The following DLG1 variants were observed in gnomAD, a reference collection of about 807,000 sequenced individuals.
DLG1 encodes disks large homolog 1.
DLG1 carries 42 observed loss-of-function variants against 123.4 expected under a neutral mutation model. The observed-to-expected ratio is 0.34, with a 90% CI of 0.27 to 0.44. The LOEUF is 0.44. Ranked by LOEUF, DLG1 falls within the 20% of genes least tolerant of loss-of-function variation. The probability of loss-of-function intolerance (pLI) is 1.00; values close to 1 mark genes in which losing one functional copy is unlikely to be tolerated. For synonymous variants in DLG1, 317 were observed against 356.2 expected (o/e 0.89, Z 1.24); for missense variants, 942 against 1,082.6 (o/e 0.87, Z 1.82).
At chr3:197,116,838 T>G (rs960181472) in intron 12 of DLG1, among the ~76,000 whole-genome samples, 64 of 152,274 alleles carry the variant, frequency 4.2e-4, no homozygotes, top group African/African-American at 1.4e-3. Context: ...ATCTTCAGGC[T>G]TTTTATATGA....
intron 13 of DLG1, among the ~76,000 whole-genome samples, chr3:197,112,422 A>C (rs1186318727): frequency 6.6e-6 from 1 of 152,108 alleles, no homozygotes; most frequent in Non-Finnish European, 1.5e-5. Context: ...CCATTCACAT[A>C]TCTTTTGTGC....
chr3:197,054,461 T>C (rs1044560092), intron 23 of DLG1, among the ~76,000 whole-genome samples: 1 of 152,090 alleles, frequency 6.6e-6, no homozygotes, highest in Non-Finnish European at 1.5e-5. Context: ...ATAATTTCCA[T>C]TGTTGTATCT....
chr3:197,291,659 G>A (rs975639003), intron 3 of DLG1, among the ~76,000 whole-genome samples: 18 of 152,288 alleles, frequency 1.2e-4, no homozygotes, highest in African/African-American at 4.1e-4. Flanking sequence ...AATGGTTGAC[G>A]GTGAGAAGTA....
chr3:197,264,336 T>C lies in DLG1; in HGVS notation c.318+18343A>G, dbSNP rs9866451. 2.7e-3 allele frequency among the ~76,000 whole-genome samples: 416 copies of C among 152,132 alleles called. 2 individuals carry two copies. Among genetic ancestry groups the C allele is most frequent in the Non-Finnish European group, 4.1e-3 (279 of 67,990 alleles). ...AGATTGGGTATCCCTAATCCAAAAATCCACAATCCAAATGCTCCAAAATCC... is the reference window on the plus strand; with the variant it reads ...AGATTGGGTATCCCTAATCCAAAAACCCACAATCCAAATGCTCCAAAATCC... On this transcript the variant is annotated intron_variant, in intron 4 of 24. Transcript: ENST00000667157.
intron 4 of DLG1, among the ~76,000 whole-genome samples, chr3:197,259,330 A>G (rs1485757173): frequency 6.6e-6 from 1 of 152,218 alleles, no homozygotes; most frequent in Non-Finnish European, 1.5e-5. Flanking sequence ...ATCCGATCAG[A>G]AACTACTGTT....
chr3:197,044,102 T>TA lies in DLG1; in HGVS notation c.*520dup, dbSNP rs929425365. The stretch of plus-strand genomic sequence containing the variant: ...TCAACTCAGACATGAATTTTTAAAT[T>TA]AAAAAATGTCCTTATTTATCTATAA... On this transcript the variant is annotated 3_prime_UTR_variant, in exon 25 of 25. Coordinates refer to ENST00000667157, the MANE Select transcript of DLG1 (RefSeq NM_001366207.1). The TA allele has an allele frequency of 2.0e-5, 3 of 152,278 alleles. No homozygotes were observed. The highest frequency in any genetic ancestry group is 7.2e-5 in the African/African-American group (3 of 41,570). 9.4% of individuals were successfully genotyped at this position (152,278 alleles called of 1,614,324 possible).
At chr3:197,257,151 C>A (rs963808691) in intron 4 of DLG1, among the ~76,000 whole-genome samples, 5 of 151,916 alleles carry the variant, frequency 3.3e-5, no homozygotes, top group African/African-American at 9.7e-5. Context: ...TATTTAATAC[C>A]CCTTTCAAAG....
At chr3:197,104,502 A>G (rs930837704) in intron 14 of DLG1, among the ~76,000 whole-genome samples, 1 of 152,008 alleles carries the variant, frequency 6.6e-6, no homozygotes, top group Admixed American at 6.6e-5. Flanking sequence ...ACCAACATGG[A>G]GAAACTCTAT....
At chr3:197,194,965 TAA>T (rs1721640575) in intron 4 of DLG1, among the ~76,000 whole-genome samples, 1 of 152,104 alleles carries the variant, frequency 6.6e-6, no homozygotes, top group Admixed American at 6.6e-5. Context: ...ACAAATTTTT[TAA>T]AAGTCAGCCA....
At chr3:197,114,713 T>C (rs1772108008) in intron 13 of DLG1, among the ~76,000 whole-genome samples, 1 of 152,170 alleles carries the variant, frequency 6.6e-6, no homozygotes, top group South Asian at 2.1e-4. Context: ...CCAGGTGCAG[T>C]GGCTCACGCC....
At chr3:197,274,817 G>A (rs1482715714) in intron 4 of DLG1, among the ~76,000 whole-genome samples, 1 of 152,102 alleles carries the variant, frequency 6.6e-6, no homozygotes, top group Non-Finnish European at 1.5e-5. Context: ...ACATTTCTCA[G>A]AAGACATACA....
chr3:197,164,921 CAAAAAAAGAAA>C (rs1561172067), intron 5 of DLG1, among the ~76,000 whole-genome samples: 1 of 138,434 alleles, frequency 7.2e-6, no homozygotes, highest in African/African-American at 2.7e-5. Flanking sequence ...AAGACTATCT[CAAAAAAAGAAA>C]GAAAGAAAGA....
At chr3:197,297,739 G>A (rs957142257) in intron 1 of DLG1, 58 of 986,226 alleles carry the variant, frequency 5.9e-5, no homozygotes, top group Non-Finnish European at 6.6e-5. Flanking sequence ...GCCGCTCTCC[G>A]CGACGCCCTC....
At chr3:197,253,941 T>C (rs1430146080) in intron 4 of DLG1, among the ~76,000 whole-genome samples, 2 of 145,262 alleles carry the variant, frequency 1.4e-5, no homozygotes, top group African/African-American at 5.1e-5. Context: ...AAAAAGGAAA[T>C]GGAAATTTCT....
chr3:197,234,270 C>G (rs1278624875), intron 4 of DLG1, among the ~76,000 whole-genome samples: 1 of 152,160 alleles, frequency 6.6e-6, no homozygotes, highest in Non-Finnish European at 1.5e-5. Flanking sequence ...GGCTTACAAC[C>G]CCAGATGATC....
At chr3:197,245,942 G>A (rs926399751) in intron 4 of DLG1, among the ~76,000 whole-genome samples, 7 of 150,638 alleles carry the variant, frequency 4.6e-5, no homozygotes. Context: ...CCAGTACCTG[G>A]GTGATTAATT....
chr3:197,152,512 C>A (rs1358143194), intron 5 of DLG1, among the ~76,000 whole-genome samples: 1 of 145,136 alleles, frequency 6.9e-6, no homozygotes, highest in Non-Finnish European at 1.5e-5. Flanking sequence ...TGCGGTGGCT[C>A]ACGCCTGTAA....
chr3:197,274,201 A>T (rs1765303988), intron 4 of DLG1, among the ~76,000 whole-genome samples: 1 of 152,246 alleles, frequency 6.6e-6, no homozygotes, highest in African/African-American at 2.4e-5. Flanking sequence ...CTGACCTACT[A>T]CAAAGCTACA....
At chr3:197,265,389 G>A (rs1032783025) in intron 4 of DLG1, among the ~76,000 whole-genome samples, 5 of 152,166 alleles carry the variant, frequency 3.3e-5, no homozygotes, top group African/African-American at 1.2e-4. Context: ...AATGAGGTGA[G>A]TCCTGTAAAT....
Sources: gnomAD v4.1 joint callset for allele counts (sites outside exome capture counted in the v4.1 genomes callset) on GRCh38, gnomAD v4.1.1 for gene constraint, MANE v1.5 for transcripts, NCBI Gene and HGNC (gene_info 2026-07-23, HGNC 2026-07-21) for gene names.